The following KIAA1217 variants were observed in gnomAD, a reference collection of about 807,000 sequenced individuals.
The protein encoded by KIAA1217 is sickle tail protein homolog.
A neutral mutation model predicts 163.9 loss-of-function variants in KIAA1217; 88 were observed. The ratio of observed to expected loss-of-function variants is 0.54; its 90% CI spans 0.45 to 0.64. KIAA1217 has a LOEUF of 0.64. Among genes scored for constraint, KIAA1217 ranks in the 30% least tolerant of loss-of-function variants. The pLI, the probability that KIAA1217 is intolerant of heterozygous loss-of-function variation, is 0.00. For synonymous variants in KIAA1217, 903 were observed against 923.1 expected, an observed-to-expected ratio of 0.98 and a Z score of 0.39; for missense variants, 2,372 against 2,475.0, an observed-to-expected ratio of 0.96 and a Z score of 0.88.
At chr10:24,199,287 T>A (rs1297266478) in intron 2 of KIAA1217, among the ~76,000 whole-genome samples, 2 of 152,208 alleles carry the variant, frequency 1.3e-5, no homozygotes, top group African/African-American at 4.8e-5. Context: ...GTTATATATT[T>A]ACTATACAGG....
intron 1 of KIAA1217, among the ~76,000 whole-genome samples, chr10:23,971,700 T>C (rs962894124): frequency 2.0e-5 from 3 of 152,244 alleles, no homozygotes; most frequent in Non-Finnish European, 4.4e-5. Context: ...GAAATGGTCC[T>C]GCAAAGCTAT....
Position 24,513,323 on chromosome 10 carries a change from T to C in KIAA1217, c.2066T>C (p.Val689Ala), listed in dbSNP as rs997276547. 28 of 1,614,066 alleles carry C rather than the reference T, an allele frequency of 1.7e-5. No homozygotes were observed. The highest frequency in any genetic ancestry group is 2.4e-5 in the Non-Finnish European group (28 of 1,180,008). The part of the protein sequence containing the change: ...KKAELEISGK[V>A]METMKRLEDP... ...GCCGAGCTGGAAATCAGTGGCAAAG[T>C]GATGGAAACAATGAAGAGACTGGAG... Residue 689 changes from valine (V) to alanine (A), a missense_variant, in exon 10 of 21, where the codon GTG becomes GCG. Val to Ala is a moderately conservative substitution (Grantham distance 64, BLOSUM62 0). Coordinates refer to ENST00000376454, the MANE Select transcript of KIAA1217 (RefSeq NM_019590.5).
chr10:24,262,635 A>G (rs1325721769), intron 2 of KIAA1217, among the ~76,000 whole-genome samples: 1 of 152,070 alleles, frequency 6.6e-6, no homozygotes, highest in East Asian at 1.9e-4. Flanking sequence ...AAAGAAAAAA[A>G]AAAAAAAAAA....
chr10:24,501,313 G>A (rs1366221248), intron 8 of KIAA1217, 66 bp from the exon 9 acceptor site: 7 of 1,462,174 alleles, frequency 4.8e-6, no homozygotes, highest in Non-Finnish European at 5.6e-6. Flanking sequence ...TCTGCATTGG[G>A]ATGGGATGCA....
intron 2 of KIAA1217, among the ~76,000 whole-genome samples, chr10:24,081,355 G>C (rs2061532197): frequency 6.6e-6 from 1 of 152,146 alleles, no homozygotes. Flanking sequence ...GCTGCATTGG[G>C]CTACCAAGGC....
chr10:24,380,680 A>G (rs1220163451), intron 2 of KIAA1217, among the ~76,000 whole-genome samples, 189 bp from the exon 3 acceptor site: 2 of 151,986 alleles, frequency 1.3e-5, no homozygotes, highest in Non-Finnish European at 2.9e-5. Flanking sequence ...GGGCAATGTT[A>G]TTTTCCGGTA....
At chr10:24,063,058 G>C (rs915022334) in intron 2 of KIAA1217, among the ~76,000 whole-genome samples, 6 of 151,812 alleles carry the variant, frequency 4.0e-5, no homozygotes, top group African/African-American at 1.5e-4. Context: ...CAGATGAGTA[G>C]GTTGCAAAAA....
chr10:24,048,878 A>T (rs1243329518), intron 2 of KIAA1217, among the ~76,000 whole-genome samples: 1 of 151,744 alleles, frequency 6.6e-6, no homozygotes, highest in African/African-American at 2.4e-5. Context: ...TAAAAATACA[A>T]AAATTAGCTG....
At chr10:24,041,699 A>G (rs1156610198) in intron 2 of KIAA1217, among the ~76,000 whole-genome samples, 1 of 152,148 alleles carries the variant, frequency 6.6e-6, no homozygotes, top group Non-Finnish European at 1.5e-5. Context: ...AGGAGAAGTA[A>G]TTATGTAAGG....
At chr10:24,320,720 A>G (rs1590936339) in intron 2 of KIAA1217, among the ~76,000 whole-genome samples, 1 of 152,136 alleles carries the variant, frequency 6.6e-6, no homozygotes, top group Non-Finnish European at 1.5e-5. Context: ...CCATTTTTTC[A>G]TTCTCATAAG....
intron 2 of KIAA1217, among the ~76,000 whole-genome samples, chr10:24,055,059 G>T (rs1444903158): frequency 6.6e-6 from 1 of 152,052 alleles, no homozygotes; most frequent in Non-Finnish European, 1.5e-5. Context: ...TTAAGCTCAG[G>T]AGTTGGAGAC....
chr10:24,422,858 T>TGG (rs60207473), intron 3 of KIAA1217, among the ~76,000 whole-genome samples: 1 of 150,426 alleles, frequency 6.6e-6, no homozygotes. Context: ...CAGGTGGTTA[T>TGG]GGGGGGCAAG....
At chr10:23,909,965 C>T (rs1209061344) in intron 1 of KIAA1217, among the ~76,000 whole-genome samples, 1 of 152,138 alleles carries the variant, frequency 6.6e-6, no homozygotes, top group African/African-American at 2.4e-5. Flanking sequence ...CTGTCGTTTC[C>T]TGACTTTTGA....
intron 2 of KIAA1217, among the ~76,000 whole-genome samples, chr10:24,172,373 G>A (rs775347670): frequency 1.5e-4 from 23 of 152,280 alleles, no homozygotes; most frequent in Admixed American, 1.4e-3. Flanking sequence ...CTGGGATTCC[G>A]AAGGGAGAAA....
intron 3 of KIAA1217, among the ~76,000 whole-genome samples, chr10:24,400,102 A>T (rs1259580020): frequency 6.6e-6 from 1 of 152,184 alleles, no homozygotes; most frequent in Non-Finnish European, 1.5e-5. Flanking sequence ...TTTATTTTTT[A>T]AAAATGGGTA....
At chr10:23,904,203 T>A (rs1228997372) in intron 1 of KIAA1217, among the ~76,000 whole-genome samples, 2 of 152,140 alleles carry the variant, frequency 1.3e-5, no homozygotes, top group African/African-American at 4.8e-5. Context: ...AAGAAAGTAT[T>A]GCATATGCAT....
chr10:24,098,216 G>A (rs1020763094), intron 2 of KIAA1217, among the ~76,000 whole-genome samples: 1 of 152,078 alleles, frequency 6.6e-6, no homozygotes, highest in Non-Finnish European at 1.5e-5. Context: ...TGTGGGACAC[G>A]AGGAGAAATT....
chr10:24,449,384 TAA>T lies in KIAA1217; in HGVS notation c.846+10907_846+10908del, dbSNP rs956434333. 3.4e-5 allele frequency: 27 copies of T among 805,564 alleles called. No homozygotes were observed. In the African/African-American group the frequency reaches 4.8e-4, roughly 14 times the overall value. 49.9% of individuals were successfully genotyped at this position (805,564 alleles called of 1,614,324 possible). ...GACAACATGAGCCATATTGTATTTA[TAA>T]ACATCACGTGTTTCCTTGATATGGC... On this transcript the variant is annotated intron_variant, in intron 5 of 20. Coordinates refer to ENST00000376454, the MANE Select transcript of KIAA1217 (RefSeq NM_019590.5).
intron 9 of KIAA1217, among the ~76,000 whole-genome samples, chr10:24,508,527 C>T (rs934247484): frequency 1.7e-4 from 26 of 152,004 alleles, no homozygotes; most frequent in Non-Finnish European, 3.7e-4. Context: ...TCACACAAAT[C>T]GAAATGTAAA....
Sources: gnomAD v4.1 joint callset for allele counts (sites outside exome capture counted in the v4.1 genomes callset) on GRCh38, gnomAD v4.1.1 for gene constraint, MANE v1.5 for transcripts, NCBI Gene and HGNC (gene_info 2026-07-23, HGNC 2026-07-21) for gene names.